DCDC1: variants seen among roughly 807,000 people sequenced by gnomAD.
DCDC1 encodes doublecortin domain containing 1.
DCDC1 carries 200 observed loss-of-function variants against 178.3 expected under a neutral mutation model. That is an observed-to-expected ratio of 1.12 (90% CI 1.00 to 1.26). The LOEUF (loss-of-function observed/expected upper bound fraction) is 1.26. Ranked by LOEUF, DCDC1 falls within the 50% of genes most tolerant of loss-of-function variation. The pLI is 0.00. For synonymous variants in DCDC1, 690 were observed against 604.8 expected, an observed-to-expected ratio of 1.14 and a Z score of -2.07; for missense variants, 1,983 against 1,749.2, an observed-to-expected ratio of 1.13 and a Z score of -2.38.
chr11:31,273,074 G>A (rs1377531297), intron 7 of DCDC1, among the ~76,000 whole-genome samples: 1 of 152,112 alleles, frequency 6.6e-6, no homozygotes, highest in Non-Finnish European at 1.5e-5. Context: ...CCCGGCCCAC[G>A]AACCATTTTT....
Position 30,905,130 on chromosome 11 carries a change from A to C in DCDC1, c.4139T>G (p.Leu1380Arg). 6.2e-7 allele frequency: 1 copy of C among 1,610,436 alleles called. No homozygotes were observed. The highest frequency in any genetic ancestry group is 8.5e-7 in the Non-Finnish European group (1 of 1,177,842). The change falls in exon 31 of 39, where the codon CTA becomes CGA. Residue 1380 changes from leucine (L) to arginine (R), a missense_variant. Leu to Arg is a moderately radical substitution (Grantham distance 102, BLOSUM62 -2). Coordinates refer to ENST00000684477, the MANE Select transcript of DCDC1 (RefSeq NM_001387274.1). The stretch of plus-strand genomic sequence containing the variant: ...CAATAGACGTGCTTGGTAGTAACTT[A>C]GAGTTTTTTCAGCCTTGTCACACGA... ...DLSCDKAEKTLSYYQARLLSL... is the reference protein window; with the variant it reads ...DLSCDKAEKTRSYYQARLLSL...
In DCDC1 at chr11:30,869,913, A is replaced by G. The variant is rs557663415; in HGVS notation, c.*41-4581T>C. Among the ~76,000 whole-genome samples, 14 of 152,214 alleles carry G rather than the reference A, an allele frequency of 9.2e-5. No individual in the cohort carries two copies. The South Asian group carries it at 2.9e-3, about 32-fold the overall frequency. ...GAGGAAGTGACATGATATGATTCTT[A>G]TTCTAGAAAGATCATTCTGGCTACA... On this transcript the variant is annotated intron_variant, in intron 38 of 38. Transcript: ENST00000684477.
intron 7 of DCDC1, chr11:31,280,737 C>T: frequency 3.4e-6 from 2 of 590,774 alleles, no homozygotes; most frequent in Non-Finnish European, 6.4e-6. Flanking sequence ...TTAATGCCGG[C>T]AAAGATCATT....
chr11:31,018,336 G>T (rs564661694), intron 20 of DCDC1, among the ~76,000 whole-genome samples: 1 of 152,222 alleles, frequency 6.6e-6, no homozygotes, highest in South Asian at 2.1e-4. Flanking sequence ...GCTAGAAAAC[G>T]TTGTCATGTT....
chr11:31,232,424 T>C (rs1292632966), intron 9 of DCDC1, among the ~76,000 whole-genome samples: 3 of 152,154 alleles, frequency 2.0e-5, no homozygotes, highest in African/African-American at 7.2e-5. Context: ...AGGTCCTATC[T>C]ATACCCACTG....
At chr11:31,226,246 A>G (rs987231648) in intron 9 of DCDC1, among the ~76,000 whole-genome samples, 4 of 152,104 alleles carry the variant, frequency 2.6e-5, no homozygotes, top group Non-Finnish European at 4.4e-5. Context: ...TATCACAGAA[A>G]CAAACCAAAA....
At chr11:31,184,189 A>G (rs2136304666) in intron 9 of DCDC1, among the ~76,000 whole-genome samples, 1 of 152,346 alleles carries the variant, frequency 6.6e-6, no homozygotes, top group East Asian at 1.9e-4. Flanking sequence ...CAATGGGGAA[A>G]GGATTCCCTA....
intron 9 of DCDC1, among the ~76,000 whole-genome samples, chr11:31,139,558 T>C (rs911692421): frequency 1.3e-5 from 2 of 152,130 alleles, no homozygotes; most frequent in African/African-American, 4.8e-5. Flanking sequence ...CAAAATTTAT[T>C]TCCAAATGCA....
intron 34 of DCDC1, among the ~76,000 whole-genome samples, chr11:30,897,358 G>A (rs1055519045): frequency 6.6e-6 from 1 of 152,018 alleles, no homozygotes; most frequent in Non-Finnish European, 1.5e-5. Flanking sequence ...GGAGGCCGAG[G>A]CAGGCAGATC....
chr11:31,231,649 T>C (rs1159900494), intron 9 of DCDC1, among the ~76,000 whole-genome samples: 1 of 152,162 alleles, frequency 6.6e-6, no homozygotes, highest in Non-Finnish European at 1.5e-5. Flanking sequence ...ACAACCCCAA[T>C]TGTTACTTAA....
intron 9 of DCDC1, among the ~76,000 whole-genome samples, chr11:31,183,619 C>G (rs552884238): frequency 6.6e-6 from 1 of 152,320 alleles, no homozygotes; most frequent in East Asian, 1.9e-4. Context: ...GCAAAAATCA[C>G]AAGCCTTCCT....
intron 20 of DCDC1, among the ~76,000 whole-genome samples, chr11:31,050,929 A>G (rs1470991042): frequency 1.3e-5 from 2 of 152,152 alleles, no homozygotes; most frequent in Non-Finnish European, 2.9e-5. Flanking sequence ...AGGCTCTTCA[A>G]CACCCCCAAA....
chr11:31,355,402 T>C (rs980557725), intron 1 of DCDC1, among the ~76,000 whole-genome samples: 3 of 152,154 alleles, frequency 2.0e-5, no homozygotes, highest in African/African-American at 4.8e-5. Context: ...AACAGTATGT[T>C]GAACTCAGCT....
At chr11:31,150,523 C>T (rs896206505) in intron 9 of DCDC1, among the ~76,000 whole-genome samples, 2 of 152,004 alleles carry the variant, frequency 1.3e-5, no homozygotes, top group African/African-American at 4.8e-5. Flanking sequence ...GTAGTATAAC[C>T]GTCTTTCTTT....
intron 20 of DCDC1, among the ~76,000 whole-genome samples, chr11:31,048,376 A>G (rs1590871617): frequency 6.6e-6 from 1 of 152,230 alleles, no homozygotes; most frequent in Admixed American, 6.5e-5. Flanking sequence ...AAATCCTGAT[A>G]CGAAATTCAC....
chr11:31,326,200 T>C (rs1252602626), intron 3 of DCDC1, among the ~76,000 whole-genome samples: 1 of 151,818 alleles, frequency 6.6e-6, no homozygotes, highest in East Asian at 1.9e-4. Flanking sequence ...AGAAGCACAT[T>C]GAAACAAAAA....
intron 15 of DCDC1, 25 bp downstream of exon 15, chr11:31,102,152 T>C: frequency 1.5e-6 from 1 of 656,310 alleles, no homozygotes; most frequent in East Asian, 2.6e-5. Flanking sequence ...GTGCACCTTT[T>C]AAAGTACAAT....
intron 20 of DCDC1, among the ~76,000 whole-genome samples, chr11:31,052,344 A>T (rs1012482242): frequency 5.9e-5 from 9 of 152,184 alleles, no homozygotes; most frequent in African/African-American, 2.2e-4. Flanking sequence ...GAGCTCCCAA[A>T]TTTATAGAAC....
At chr11:30,965,412 G>A (rs1949367020) in intron 20 of DCDC1, among the ~76,000 whole-genome samples, 1 of 152,056 alleles carries the variant, frequency 6.6e-6, no homozygotes, top group Admixed American at 6.6e-5. Context: ...CAGGGTATCT[G>A]TCCAATCCCA....
Sources: gnomAD v4.1 joint callset for allele counts (sites outside exome capture counted in the v4.1 genomes callset) on GRCh38, gnomAD v4.1.1 for gene constraint, MANE v1.5 for transcripts, NCBI Gene and HGNC (gene_info 2026-07-23, HGNC 2026-07-21) for gene names.